Variants in FIGNL2 observed in about 807,000 individuals in gnomAD.
The protein encoded by FIGNL2 is fidgetin like 2, also known as fidgetin-like protein 2.
For missense variants in FIGNL2, 1,060 were observed against 950.2 expected (o/e 1.12, Z -1.52); for synonymous variants, 565 against 484.0 (o/e 1.17, Z -2.20).
At position 51,821,449 on chromosome 12, in the gene FIGNL2, C is replaced by T; in HGVS notation, c.965G>A (p.Gly322Asp). The T allele has an allele frequency of 6.5e-7, 1 of 1,537,972 alleles. No homozygotes were observed. Reference protein sequence around the residue: ...KPPGAAEEASGKYGGGVPLKV... With the variant: ...KPPGAAEEASDKYGGGVPLKV... The stretch of plus-strand genomic sequence containing the variant: ...GAGGGGGACGCCGCCACCGTACTTG[C>T]CCGACGCCTCCTCCGCGGCTCCTGG... The change falls in exon 2 of 2, where the codon GGC becomes GAC. Residue 322 changes from glycine to aspartate, a missense_variant. Transcript: ENST00000618634.
intron 1 of FIGNL2, chr12:51,824,587 G>GTT (rs1336387363): frequency 7.2e-5 from 11 of 152,420 alleles, no homozygotes; most frequent in African/African-American, 2.6e-4. Context: ...GGAGAGCAGA[G>GTT]TAACAGCTGA....
chr12:51,836,585 G>A (rs182299298), intron 1 of FIGNL2, among the ~76,000 whole-genome samples: 174 of 152,266 alleles, frequency 1.1e-3, no homozygotes, highest in Middle Eastern at 3.4e-3. Flanking sequence ...AGAATCCTAA[G>A]GGGAGATGGA....
intron 1 of FIGNL2, among the ~76,000 whole-genome samples, chr12:51,824,969 G>A (rs1227306824): frequency 6.6e-6 from 1 of 151,918 alleles, no homozygotes; most frequent in African/African-American, 2.4e-5. Flanking sequence ...ACTTGAACCC[G>A]GGTGGCGGAG....
chr12:51,842,689 C>T (rs920006437), intron 1 of FIGNL2, among the ~76,000 whole-genome samples: 2 of 152,078 alleles, frequency 1.3e-5, no homozygotes. Flanking sequence ...GCTCAGGACT[C>T]CTCTGAGGCA....
intron 1 of FIGNL2, 108 bp downstream of exon 1, chr12:51,848,432 C>G (rs1939798702): frequency 2.0e-6 from 2 of 982,876 alleles, no homozygotes; most frequent in Non-Finnish European, 2.4e-6. Context: ...CTAGCAGCCC[C>G]CGCCCTCTCG....
intron 1 of FIGNL2, chr12:51,845,345 G>A (rs1296988989): frequency 4.6e-6 from 2 of 434,320 alleles, no homozygotes; most frequent in Non-Finnish European, 6.1e-6. Context: ...GCCTGGCAGG[G>A]TCCCTCTGCC....
rs534058556 is a variant in FIGNL2 at position 51,821,124 on chromosome 12, G to C, written c.1290C>G (p.Leu430=). 1.4e-6 allele frequency: 2 copies of C among 1,445,678 alleles called. No individual in the cohort carries two copies. Among genetic ancestry groups the C allele is most frequent in the Non-Finnish European group, 1.8e-6 (2 of 1,112,800 alleles). The allele number at this position is 1,445,678 out of a possible 1,614,324, so 89.6% of individuals were successfully genotyped here. Residue 430 remains leucine (L), a synonymous_variant, in exon 2 of 2, where the codon CTC becomes CTG. Coordinates refer to ENST00000618634, the MANE Select transcript of FIGNL2 (RefSeq NM_001384995.1). ...GSLRPPRTVL[L]FGPRGAGKAL... is the part of the protein sequence containing the mutation. ...CTTTGCCCGCGCCCCGCGGCCCAAA[G>C]AGCAGGACGGTCCGCGGCGGGCGCA...
At chr12:51,837,639 T>G (rs1411977081) in intron 1 of FIGNL2, among the ~76,000 whole-genome samples, 2 of 152,170 alleles carry the variant, frequency 1.3e-5, no homozygotes, top group Admixed American at 1.3e-4. Flanking sequence ...CCCTCCACGT[T>G]TTCTCTGGAC....
At chr12:51,848,477 C>A (rs303780) in intron 1 of FIGNL2, 63 bp downstream of exon 1, 3 of 983,448 alleles carry the variant, frequency 3.1e-6, no homozygotes, top group Non-Finnish European at 3.6e-6. Flanking sequence ...GACAAAGCTC[C>A]GGACACCCTG....
At chr12:51,830,705 C>G (rs142619487) in intron 1 of FIGNL2, among the ~76,000 whole-genome samples, 6 of 151,996 alleles carry the variant, frequency 3.9e-5, no homozygotes, top group South Asian at 2.1e-4. Flanking sequence ...GTTGGCCAGG[C>G]TGGTCTCAAA....
At chr12:51,836,031 G>C (rs902323743) in intron 1 of FIGNL2, among the ~76,000 whole-genome samples, 11 of 152,172 alleles carry the variant, frequency 7.2e-5, no homozygotes, top group Non-Finnish European at 1.6e-4. Context: ...TGCTGGTCTC[G>C]AACTCCTGAC....
chr12:51,847,045 C>T (rs925913492), intron 1 of FIGNL2: 3 of 985,250 alleles, frequency 3.0e-6, no homozygotes, highest in Non-Finnish European at 3.6e-6. Flanking sequence ...CCGCAGCTCG[C>T]GCGGCCGCCC....
intron 1 of FIGNL2, among the ~76,000 whole-genome samples, chr12:51,839,246 G>A (rs961471416): frequency 5.9e-5 from 9 of 152,128 alleles, no homozygotes; most frequent in African/African-American, 2.2e-4. Flanking sequence ...GACCCTCTGG[G>A]AGGGTCCACA....
In FIGNL2 at chr12:51,820,000, G is replaced by C. The variant is rs1348823388; in HGVS notation, c.*452C>G. 1 of 184,218 alleles carries C rather than the reference G, an allele frequency of 5.4e-6. No homozygotes were observed. The highest frequency in any genetic ancestry group is 1.1e-5 in the Non-Finnish European group (1 of 88,436). The allele number at this position is 184,218 out of a possible 1,614,324, so 11.4% of individuals were successfully genotyped here. A position where few individuals can be genotyped will look rare whatever the true frequency, so the allele number is the denominator to read the frequency against. ...GGGAGGGAGGGGCAGGAGAGAAACAGGGCCAGCATGGGGTGGGCAGGGGTG... is the reference window on the plus strand; with the variant it reads ...GGGAGGGAGGGGCAGGAGAGAAACACGGCCAGCATGGGGTGGGCAGGGGTG... On this transcript the variant is annotated 3_prime_UTR_variant, in exon 2 of 2. Transcript: ENST00000618634.
intron 1 of FIGNL2, chr12:51,847,061 C>T (rs1338365483): frequency 1.0e-6 from 1 of 985,276 alleles, no homozygotes; most frequent in Non-Finnish European, 1.2e-6. Flanking sequence ...CGCCCGGTAC[C>T]CGCGTCCCAC....
intron 1 of FIGNL2, 125 bp downstream of exon 1, chr12:51,848,415 C>T: frequency 1.0e-6 from 1 of 983,710 alleles, no homozygotes; most frequent in Non-Finnish European, 1.2e-6. Flanking sequence ...CGAGCTGAAC[C>T]CCGCGACTAG....
At chr12:51,833,549 G>A (rs1273168130) in intron 1 of FIGNL2, among the ~76,000 whole-genome samples, 2 of 151,998 alleles carry the variant, frequency 1.3e-5, no homozygotes, top group South Asian at 2.1e-4. Context: ...ATTACCTCTC[G>A]GCCTCACCTG....
In FIGNL2 at chr12:51,838,591, A is replaced by T. The variant is rs115480605; in HGVS notation, c.-12+9949T>A. 6.4e-3 allele frequency among the ~76,000 whole-genome samples: 981 copies of T among 152,152 alleles called. 12 individuals are homozygous for T. Among genetic ancestry groups the T allele is most frequent in the African/African-American group, 0.022 (932 of 41,492 alleles). On this transcript the variant is annotated intron_variant, in intron 1 of 1. Coordinates refer to ENST00000618634, the MANE Select transcript of FIGNL2 (RefSeq NM_001384995.1). The stretch of plus-strand genomic sequence containing the variant: ...CTCTGAGATGTGGGACAATGTCTTG[A>T]TCTGTTTCCTCCATTGTGAAATGGG...
intron 1 of FIGNL2, among the ~76,000 whole-genome samples, chr12:51,840,311 A>G (rs899080395): frequency 6.6e-6 from 1 of 152,178 alleles, no homozygotes; most frequent in South Asian, 2.1e-4. Flanking sequence ...TGGGCGAGAG[A>G]TGGAGGATGA....
Sources: allele counts gnomAD v4.1 joint callset (sites outside exome capture counted in the v4.1 genomes callset), GRCh38; gene constraint gnomAD v4.1.1; transcripts MANE v1.5; gene names NCBI Gene and HGNC (gene_info 2026-07-23, HGNC 2026-07-21).